Variants in KIF3C observed in about 807,000 individuals in gnomAD.
KIF3C encodes the protein kinesin-like protein KIF3C.
In KIF3C, 12 loss-of-function variants were observed where a neutral mutation model predicts 67.7. The observed-to-expected ratio is 0.18, with a 90% confidence interval of 0.11 to 0.29. KIF3C has a LOEUF of 0.29. Ranked by LOEUF, KIF3C falls within the 10% of genes least tolerant of loss-of-function variation. The pLI is 1.00. For synonymous variants in KIF3C, 393 were observed against 426.2 expected, an observed-to-expected ratio of 0.92 and a Z score of 0.96; for missense variants, 789 against 1,059.6, an observed-to-expected ratio of 0.74 and a Z score of 3.55.
intron 5 of KIF3C, among the ~76,000 whole-genome samples, chr2:25,939,038 G>A (rs1050129478): frequency 2.0e-5 from 3 of 151,862 alleles, no homozygotes; most frequent in African/African-American, 7.3e-5. Flanking sequence ...CTGTCACCCA[G>A]GCTGGAGTGC....
At chr2:25,939,692 C>T (rs571842108) in intron 5 of KIF3C, among the ~76,000 whole-genome samples, 3 of 152,192 alleles carry the variant, frequency 2.0e-5, no homozygotes, top group African/African-American at 7.2e-5. Context: ...TGGCTTACAC[C>T]TGTAAGCCCA....
At chr2:25,979,371 A>G (rs1664503966) in intron 1 of KIF3C, among the ~76,000 whole-genome samples, 1 of 152,116 alleles carries the variant, frequency 6.6e-6, no homozygotes, top group Admixed American at 6.6e-5. Flanking sequence ...GGGGAATTGG[A>G]TATTAACTGT....
chr2:25,935,800 G>A (rs867390757), intron 5 of KIF3C, among the ~76,000 whole-genome samples: 13 of 152,030 alleles, frequency 8.6e-5, no homozygotes, highest in South Asian at 4.1e-4. Flanking sequence ...TGGCTCGGCC[G>A]GGTGCAGCGG....
chr2:25,929,923 C>A (rs147259279), intron 6 of KIF3C, 32 bp downstream of exon 6: 6 of 1,497,760 alleles, frequency 4.0e-6, no homozygotes, highest in Non-Finnish European at 5.6e-6. Context: ...GCCTCCCTCC[C>A]GTAGGCTCTT....
chr2:25,973,514 A>T (rs7602465), intron 1 of KIF3C, among the ~76,000 whole-genome samples: 19,818 of 148,104 alleles, frequency 0.13, 1,443 homozygotes, highest in African/African-American at 0.19. Context: ...AGATCGTCCC[A>T]CTGTACTCCA....
At position 25,940,654 on chromosome 2, in the gene KIF3C, T is replaced by C. The variant is rs1245651114; in HGVS notation, c.2007-10591A>G. On this transcript the variant is annotated intron_variant, in intron 5 of 7. Transcript: ENST00000264712. ...GGGGCTAGAATTCAGAATGTTCTTT[T>C]TTTTTTTTTTTTTTTTTTTTGAGTC... 4.7e-5 allele frequency among the ~76,000 whole-genome samples: 5 copies of C among 105,858 alleles called. No individual in the cohort carries two copies. In the East Asian group the frequency reaches 1.1e-3, roughly 24 times the overall value. The allele number at this position is 105,858 out of a possible 152,430, so 69.4% of individuals were successfully genotyped here.
In KIF3C at chr2:25,928,857, C is replaced by A; in HGVS notation, c.*121G>T. ...GGCACCATCTGCCAGATTCTCACCC[C>A]TGCACACACGCACACGCACATGCAC... On this transcript the variant is annotated 3_prime_UTR_variant, in exon 8 of 8. Transcript: ENST00000264712. 2 of 756,950 alleles carry A rather than the reference C, an allele frequency of 2.6e-6. No homozygotes were observed. Among genetic ancestry groups the A allele is most frequent in the South Asian group, 3.4e-5 (2 of 59,178 alleles). The allele number at this position is 756,950 out of a possible 1,614,324, so 46.9% of individuals were successfully genotyped here.
rs147953843 is a variant in KIF3C at position 25,951,790 on chromosome 2, C to T, written c.2005G>A (p.Val669Ile). ...CAGACAGCTGGGTTAGAGACTCACACGCCGGCTGGCACCAGTGGCTGGAAC... is the reference window on the plus strand; with the variant it reads ...CAGACAGCTGGGTTAGAGACTCACATGCCGGCTGGCACCAGTGGCTGGAAC... ...WKFQPLVPAG[V>I]SSSQMKKRPT... The change falls in exon 5 of 8, where the codon GTC becomes ATC. Residue 669 changes from valine to isoleucine, a missense_variant and splice_region_variant. Around this residue, in one of 2 missense-constraint regions of KIF3C, gnomAD observed 648 missense variants for 807.8 expected, o/e 0.80. Transcript: ENST00000264712. The T allele has an allele frequency of 9.6e-5, 155 of 1,609,762 alleles. No individual in the cohort carries two copies. In the African/African-American group the frequency reaches 1.1e-3, roughly 12 times the overall value.
At chr2:25,940,584 C>A (rs1420619680) in intron 5 of KIF3C, among the ~76,000 whole-genome samples, 3 of 144,976 alleles carry the variant, frequency 2.1e-5, no homozygotes, top group East Asian at 4.2e-4. Flanking sequence ...AACAAAAAAA[C>A]AACAGAAAAA....
chr2:25,959,566 C>T (rs34144322), intron 1 of KIF3C, among the ~76,000 whole-genome samples: 4,890 of 151,972 alleles, frequency 0.032, 131 homozygotes, highest in African/African-American at 0.073. Context: ...CAGCCTCCCA[C>T]GTAGCTGAGA....
chr2:25,952,538 TGTG>T (rs1663645317), intron 4 of KIF3C, among the ~76,000 whole-genome samples: 1 of 120,958 alleles, frequency 8.3e-6, no homozygotes, highest in African/African-American at 3.8e-5. Context: ...TGTGTGTGTG[TGTG>T]TGTGTGTGTA....
chr2:25,967,286 G>C (rs998744329), intron 1 of KIF3C, among the ~76,000 whole-genome samples: 1 of 152,138 alleles, frequency 6.6e-6, no homozygotes, highest in Non-Finnish European at 1.5e-5. Context: ...TAGAGTCCCA[G>C]AGAGAGGCTA....
Position 25,928,410 on chromosome 2 carries a change from A to AGAGGCTGAAT in KIF3C, c.*558_*567dup, listed in dbSNP as rs1263210525. 6.6e-6 allele frequency: 1 copy of AGAGGCTGAAT among 152,478 alleles called. No individual in the cohort carries two copies. Among genetic ancestry groups the AGAGGCTGAAT allele is most frequent in the East Asian group, 1.9e-4 (1 of 5,196 alleles). The allele number at this position is 152,478 out of a possible 1,614,324, so 9.4% of individuals were successfully genotyped here. A position where few individuals can be genotyped will look rare whatever the true frequency, so the allele number is the denominator to read the frequency against. On this transcript the variant is annotated 3_prime_UTR_variant, in exon 8 of 8. Coordinates refer to ENST00000264712, the MANE Select transcript of KIF3C (RefSeq NM_002254.8). ...ATTAATGTCCTTGAAAAGGAGCCCAAGAGGCTGAATGAGGTTGTCTGAGGC... is the reference window on the plus strand; with the variant it reads ...ATTAATGTCCTTGAAAAGGAGCCCAAGAGGCTGAATGAGGCTGAATGAGGTTGTCTGAGGC...
rs577042671 is a variant in KIF3C, at chr2:25,979,679, A to G, written c.1545+694T>C. On this transcript the variant is annotated intron_variant, in intron 1 of 7. Transcript: ENST00000264712. ...AGCAAGCAATGGCTCCTGCACTGTA[A>G]GGCCCAGGGGACCATTTTCCCAGGG... Among the ~76,000 whole-genome samples the G allele has an allele frequency of 1.2e-3, 177 of 152,290 alleles. 1 individual carries two copies. The highest frequency in any genetic ancestry group is 1.8e-3 in the Admixed American group (28 of 15,296).
At chr2:25,953,383 C>CA (rs1663691387) in intron 4 of KIF3C, among the ~76,000 whole-genome samples, 2 of 150,398 alleles carry the variant, frequency 1.3e-5, no homozygotes, top group Admixed American at 6.6e-5. Context: ...TTTTTTGAGA[C>CA]AGAGTCTTGC....
intron 1 of KIF3C, among the ~76,000 whole-genome samples, chr2:25,960,178 AG>A (rs1663910923): frequency 6.6e-6 from 1 of 152,040 alleles, no homozygotes; most frequent in African/African-American, 2.4e-5. Flanking sequence ...CTGAGGCAGG[AG>A]GATCGCTTGA....
chr2:25,955,544 C>G lies in KIF3C; in HGVS notation c.1767G>C (p.Lys589Asn). The change falls in exon 3 of 8, where the codon AAG (lysine) becomes AAC (asparagine). Residue 589 changes from lysine (K) to asparagine (N), a missense_variant. This residue lies in a region of KIF3C where 648 missense variants were observed against 807.8 expected (regional missense o/e 0.80). Transcript: ENST00000264712. The surrounding 1 kb of genome is among the most constrained non-coding windows in gnomAD (Gnocchi z 5.0). Reference protein sequence around the residue: ...QEVEVKTKKLKKLYAKLQAVK... With the variant: ...QEVEVKTKKLNKLYAKLQAVK... ...CGGTCCTGCTGCAGCGTCTCACCTT[C>G]TTGAGTTTCTTGGTTTTGACCTCCA... The G allele has an allele frequency of 1.9e-6, 3 of 1,614,040 alleles. No individual in the cohort carries two copies. The highest frequency in any genetic ancestry group is 1.1e-5 in the South Asian group (1 of 91,068).
In KIF3C at chr2:25,981,450, C is replaced by A. The variant is rs147365960; in HGVS notation, c.468G>T (p.Leu156=). The change falls in exon 1 of 8, where the codon CTG becomes CTT. Residue 156 remains leucine (L), a synonymous_variant. Transcript: ENST00000264712. This position sits in a 1 kb window ranked among gnomAD's most constrained non-coding sequence, Gnocchi z 8.2. The part of the protein sequence containing the change: ...LEIYQEEIRD[L]LSKEPGKRLE... ...GCCTCTTGCCCGGCTCCTTGGAGAGCAGGTCTCGAATCTCTTCCTGGTAGA... is the reference window on the plus strand; with the variant it reads ...GCCTCTTGCCCGGCTCCTTGGAGAGAAGGTCTCGAATCTCTTCCTGGTAGA... 2.5e-4 allele frequency: 409 copies of A among 1,614,200 alleles called. 1 individual carries two copies. In the African/African-American group the frequency reaches 5.1e-3, roughly 20 times the overall value.
Position 25,954,373 on chromosome 2 carries a change from G to T in KIF3C, c.1783C>A (p.Leu595Met). 6.2e-7 allele frequency: 1 copy of T among 1,613,602 alleles called. No individual in the cohort carries two copies. Among genetic ancestry groups the T allele is most frequent in the South Asian group, 1.1e-5 (1 of 91,064 alleles). ...TKKLKKLYAK[L>M]QAVKAEIQDQ... ...TGGATCTCCGCCTTCACCGCCTGCA[G>T]CTTGGCGTAGAGCTGGGTGGGGACA... The change falls in exon 4 of 8, where the codon CTG becomes ATG. Residue 595 changes from leucine to methionine, a missense_variant. By Grantham distance (15) the Leu-to-Met change is conservative (BLOSUM62 2). Around this residue, in one of 2 missense-constraint regions of KIF3C, gnomAD observed 648 missense variants for 807.8 expected, o/e 0.80. Transcript: ENST00000264712.
Sources: allele counts gnomAD v4.1 joint callset (sites outside exome capture counted in the v4.1 genomes callset), GRCh38; gene constraint gnomAD v4.1.1; regional missense constraint gnomAD v4.1.1; non-coding constraint Gnocchi (gnomAD v3.1); transcripts MANE v1.5; gene names NCBI Gene and HGNC (gene_info 2026-07-23, HGNC 2026-07-21).